Variants in ADGRL2 observed in about 807,000 individuals in gnomAD.
The protein encoded by ADGRL2 is calcium-independent alpha-latrotoxin receptor 2.
In ADGRL2, 44 loss-of-function variants were observed where a neutral mutation model predicts 157.4. The ratio of observed to expected loss-of-function variants is 0.28; its 90% confidence interval spans 0.22 to 0.36. The LOEUF is 0.36. Among genes scored for constraint, ADGRL2 ranks in the 10% least tolerant of loss-of-function variants. The probability of loss-of-function intolerance (pLI) is 1.00; values close to 1 mark genes in which losing one functional copy is unlikely to be tolerated. For missense variants in ADGRL2, 1,510 were observed against 1,768.9 expected (o/e 0.85, Z 2.63); for synonymous variants, 585 against 624.7 (o/e 0.94, Z 0.95).
At chr1:81,716,314 G>A (rs925638993) in intron 1 of ADGRL2, among the ~76,000 whole-genome samples, 10 of 152,078 alleles carry the variant, frequency 6.6e-5, no homozygotes, top group African/African-American at 2.2e-4. Context: ...TAGATTACTC[G>A]AGCTCTATTT....
At chr1:81,803,721 A>C (rs535311683) in intron 1 of ADGRL2, among the ~76,000 whole-genome samples, 1 of 152,156 alleles carries the variant, frequency 6.6e-6, no homozygotes, top group South Asian at 2.1e-4. Flanking sequence ...GGTTCCCGTT[A>C]CAAAGGCCAG....
chr1:81,802,453 T>C (rs2088380498), intron 1 of ADGRL2, among the ~76,000 whole-genome samples: 1 of 151,956 alleles, frequency 6.6e-6, no homozygotes, highest in Admixed American at 6.6e-5. Context: ...GAACTCTCAG[T>C]CCGGTCCAGC....
intron 1 of ADGRL2, among the ~76,000 whole-genome samples, chr1:81,337,434 T>C (rs1364548440): frequency 6.6e-6 from 1 of 152,136 alleles, no homozygotes; most frequent in Admixed American, 6.5e-5. Context: ...CTCGCTCACC[T>C]TCGTGCTCCC....
In ADGRL2 at chr1:81,392,958, T is replaced by C. The variant is rs1050344597; in HGVS notation, c.-301-52078T>C. Reference sequence around the variant, plus strand: ...TGTGCCCCATCCAACCAAACCATACTTCCATAAAATTCCTTTCCTCTTTCA... The same window carrying C: ...TGTGCCCCATCCAACCAAACCATACCTCCATAAAATTCCTTTCCTCTTTCA... On this transcript the variant is annotated intron_variant, in intron 1 of 24. Transcript: ENST00000370721. Among the ~76,000 whole-genome samples, 13 of 152,040 alleles carry C rather than the reference T, an allele frequency of 8.6e-5. 1 individual carries two copies. Among genetic ancestry groups the C allele is most frequent in the Non-Finnish European group, 1.6e-4 (11 of 67,970 alleles).
upstream of ADGRL2, among the ~76,000 whole-genome samples, chr1:81,699,102 G>C (rs1570874212): frequency 2.0e-5 from 3 of 152,230 alleles, no homozygotes; most frequent in South Asian, 6.2e-4. Flanking sequence ...AACATACACA[G>C]CGATATTCAT....
intron 1 of ADGRL2, among the ~76,000 whole-genome samples, chr1:81,309,504 G>A (rs1207187316): frequency 6.6e-6 from 1 of 152,066 alleles, no homozygotes; most frequent in Non-Finnish European, 1.5e-5. Flanking sequence ...AATTATCTCT[G>A]ATGACTAGTA....
At position 81,907,171 on chromosome 1, in the gene ADGRL2, A is replaced by C. The variant is rs1224344926; in HGVS notation, c.228A>C (p.Pro76=). 1.8e-5 allele frequency: 29 copies of C among 1,614,128 alleles called. No individual in the cohort carries two copies. The highest frequency in any genetic ancestry group is 2.5e-5 in the Non-Finnish European group (29 of 1,180,010). The change falls in exon 3 of 24, where the codon CCA becomes CCC. Residue 76 remains proline (P), a synonymous_variant. Coordinates refer to ENST00000686636, the MANE Select transcript of ADGRL2 (RefSeq NM_001366006.2). ...RTDDKICDAD[P]FQMENTDCYL... ...ATGACAAGATTTGTGATGCTGACCC[A>C]TTTCAGATGGAGAATACAGACTGCT...
chr1:81,435,529 C>T (rs1341172253), intron 1 of ADGRL2, among the ~76,000 whole-genome samples: 2 of 152,106 alleles, frequency 1.3e-5, no homozygotes, highest in Non-Finnish European at 2.9e-5. Flanking sequence ...CTTTAGAGTG[C>T]TTAGTATTTT....
At chr1:81,911,681 A>G (rs911635974) in intron 3 of ADGRL2, among the ~76,000 whole-genome samples, 10 of 152,182 alleles carry the variant, frequency 6.6e-5, no homozygotes, top group African/African-American at 9.7e-5. Context: ...TTATTTTTCA[A>G]TATTAAATGT....
At chr1:81,525,006 T>C (rs948662548) in intron 2 of ADGRL2, among the ~76,000 whole-genome samples, 2 of 152,152 alleles carry the variant, frequency 1.3e-5, no homozygotes, top group East Asian at 1.9e-4. Flanking sequence ...GGGAAGAACA[T>C]TGGGTGGTTA....
chr1:81,819,638 A>T (rs1557704392), intron 1 of ADGRL2, among the ~76,000 whole-genome samples: 1 of 152,092 alleles, frequency 6.6e-6, no homozygotes, highest in Non-Finnish European at 1.5e-5. Context: ...AGGCTACATG[A>T]TCTAGGTTTT....
At chr1:81,623,253 A>G (rs2081836612) in intron 3 of ADGRL2, among the ~76,000 whole-genome samples, 1 of 152,244 alleles carries the variant, frequency 6.6e-6, no homozygotes, top group African/African-American at 2.4e-5. Flanking sequence ...AATGAAAGTT[A>G]CAAGACATTG....
intron 1 of ADGRL2, among the ~76,000 whole-genome samples, chr1:81,359,874 C>T (rs571725618): frequency 9.2e-5 from 14 of 152,038 alleles, no homozygotes; most frequent in Non-Finnish European, 1.8e-4. Context: ...TTCCCTCATC[C>T]TTCCCACATC....
chr1:81,659,854 G>C (rs548211779), intron 3 of ADGRL2, among the ~76,000 whole-genome samples: 10 of 152,246 alleles, frequency 6.6e-5, no homozygotes, highest in African/African-American at 2.4e-4. Flanking sequence ...GCATTAAGTA[G>C]TGAGCTGTGA....
At chr1:81,340,148 A>T (rs535886469) in intron 1 of ADGRL2, among the ~76,000 whole-genome samples, 5 of 152,312 alleles carry the variant, frequency 3.3e-5, no homozygotes, top group African/African-American at 1.2e-4. Flanking sequence ...GGTGCTTTTT[A>T]TTGGGAAGCT....
intron 3 of ADGRL2, among the ~76,000 whole-genome samples, chr1:81,681,771 A>G (rs142061987): frequency 5.3e-5 from 8 of 152,300 alleles, no homozygotes; most frequent in African/African-American, 1.7e-4. Flanking sequence ...GGGCTTTGCC[A>G]AGCACTTGTT....
chr1:81,930,134 A>G (rs753024999), intron 3 of ADGRL2, among the ~76,000 whole-genome samples: 1 of 152,152 alleles, frequency 6.6e-6, no homozygotes. Flanking sequence ...TTATTTTTCG[A>G]TACAATTTAT....
At chr1:81,422,039 T>G (rs1189904580) in intron 1 of ADGRL2, among the ~76,000 whole-genome samples, 2 of 152,200 alleles carry the variant, frequency 1.3e-5, no homozygotes, top group African/African-American at 4.8e-5. Context: ...TTCTTTTAAT[T>G]TATATTAAAT....
At chr1:81,662,258 T>G (rs1329424543) in intron 3 of ADGRL2, among the ~76,000 whole-genome samples, 1 of 150,460 alleles carries the variant, frequency 6.6e-6, no homozygotes, top group East Asian at 1.9e-4. Flanking sequence ...CATTCTTTTT[T>G]TTTTTTTTTT....
Sources: allele counts gnomAD v4.1 joint callset (sites outside exome capture counted in the v4.1 genomes callset), GRCh38; gene constraint gnomAD v4.1.1; transcripts MANE v1.5; gene names NCBI Gene and HGNC (gene_info 2026-07-23, HGNC 2026-07-21).